GRIN2B: variants seen among roughly 807,000 people sequenced by gnomAD.
GRIN2B encodes glutamate ionotropic receptor NMDA type subunit 2B, also known as glutamate receptor ionotropic, NMDA 2B.
In GRIN2B, 5 loss-of-function variants were observed where a neutral mutation model predicts 114.5. The observed-to-expected ratio is 0.04, with a 90% CI of 0.02 to 0.09. The LOEUF (loss-of-function observed/expected upper bound fraction) is 0.09, where lower values mean the gene tolerates loss of function less well. Ranked by LOEUF, GRIN2B falls within the 10% of genes least tolerant of loss-of-function variation. The pLI, the probability that GRIN2B is intolerant of heterozygous loss-of-function variation, is 1.00. For missense variants in GRIN2B, 1,108 were observed against 1,943.5 expected (o/e 0.57, Z 8.08); for synonymous variants, 787 against 745.1 (o/e 1.06, Z -0.92).
intron 4 of GRIN2B, among the ~76,000 whole-genome samples, chr12:13,736,975 A>G (rs1420496583): frequency 6.7e-6 from 1 of 148,680 alleles, no homozygotes; most frequent in Non-Finnish European, 1.5e-5. Context: ...GGTTACAATG[A>G]GCAGAGATTG....
chr12:13,633,939 G>C lies in GRIN2B; in HGVS notation c.1126-17282C>G, dbSNP rs577678492. On this transcript the variant is annotated intron_variant, in intron 5 of 13. Transcript: ENST00000609686. ...ACAGGAGGAATGTGCCGGAATGATG[G>C]AAGAGCTGGGTCACAGCAGATAATC... 7.9e-5 allele frequency among the ~76,000 whole-genome samples: 12 copies of C among 152,126 alleles called. No homozygotes were observed. The East Asian group carries it at 2.3e-3, about 29-fold the overall frequency.
At chr12:13,751,270 C>T (rs1210512295) in intron 4 of GRIN2B, among the ~76,000 whole-genome samples, 1 of 152,110 alleles carries the variant, frequency 6.6e-6, no homozygotes, top group Admixed American at 6.5e-5. Flanking sequence ...GAGAATGGAC[C>T]TCATTAAAGG....
chr12:13,769,265 G>C lies in GRIN2B; in HGVS notation c.412-15350C>G, dbSNP rs553514059. Among the ~76,000 whole-genome samples the C allele has an allele frequency of 1.0e-3, 158 of 152,138 alleles. 1 individual carries two copies. Among genetic ancestry groups the C allele is most frequent in the Admixed American group, 3.3e-3 (50 of 15,286 alleles). ...CAGGGGACAGAGTGCCCTCAGTAATGCAAGGTCACTCACACAAGAACCCTC... is the reference window on the plus strand; with the variant it reads ...CAGGGGACAGAGTGCCCTCAGTAATCCAAGGTCACTCACACAAGAACCCTC... On this transcript the variant is annotated intron_variant, in intron 3 of 13. Coordinates refer to ENST00000609686, the MANE Select transcript of GRIN2B (RefSeq NM_000834.5).
chr12:13,757,089 C>T (rs1045835528), intron 3 of GRIN2B, among the ~76,000 whole-genome samples: 1 of 152,278 alleles, frequency 6.6e-6, no homozygotes, highest in Non-Finnish European at 1.5e-5. Flanking sequence ...TCCTCTGCTC[C>T]GATTGATGCC....
intron 2 of GRIN2B, among the ~76,000 whole-genome samples, chr12:13,969,479 G>C (rs1020038835): frequency 6.6e-6 from 1 of 152,164 alleles, no homozygotes; most frequent in Non-Finnish European, 1.5e-5. Flanking sequence ...CTTGTGGTGA[G>C]GATTGAGTAA....
At chr12:13,569,583 T>C (rs866451008) in intron 12 of GRIN2B, among the ~76,000 whole-genome samples, 90 of 152,240 alleles carry the variant, frequency 5.9e-4, no homozygotes, top group African/African-American at 1.9e-3. Flanking sequence ...CTGCTGGCAC[T>C]GTGATTTCAG....
chr12:13,736,972 A>G (rs1437196087), intron 4 of GRIN2B, among the ~76,000 whole-genome samples: 2 of 148,486 alleles, frequency 1.3e-5, no homozygotes, highest in Non-Finnish European at 3.0e-5. Context: ...AGAGGTTACA[A>G]TGAGCAGAGA....
At chr12:13,628,655 A>G (rs1321685842) in intron 5 of GRIN2B, among the ~76,000 whole-genome samples, 1 of 152,254 alleles carries the variant, frequency 6.6e-6, no homozygotes, top group African/African-American at 2.4e-5. Flanking sequence ...CTAGAGCAGG[A>G]CATCATCAGA....
At chr12:13,654,818 G>C (rs181618684) in intron 5 of GRIN2B, among the ~76,000 whole-genome samples, 1 of 152,182 alleles carries the variant, frequency 6.6e-6, no homozygotes, top group East Asian at 1.9e-4. Flanking sequence ...GGAAAAGCTA[G>C]ATTTGCCTCC....
intron 2 of GRIN2B, among the ~76,000 whole-genome samples, chr12:13,913,444 G>A (rs1243271390): frequency 5.9e-5 from 9 of 152,170 alleles, no homozygotes; most frequent in Non-Finnish European, 2.9e-5. Context: ...TAAAACTGGT[G>A]CTGGAGGCAG....
intron 2 of GRIN2B, among the ~76,000 whole-genome samples, chr12:13,945,580 A>G (rs1867349221): frequency 6.6e-6 from 1 of 152,304 alleles, no homozygotes; most frequent in African/African-American, 2.4e-5. Context: ...TTTCCTCTCC[A>G]GAGCTAGCCT....
At chr12:13,700,900 G>A (rs1950305709) in intron 4 of GRIN2B, among the ~76,000 whole-genome samples, 2 of 152,192 alleles carry the variant, frequency 1.3e-5, no homozygotes, top group Non-Finnish European at 2.9e-5. Flanking sequence ...AGTTTGGTGA[G>A]GTGTATTAAT....
chr12:13,640,658 C>A (rs1342739400), intron 5 of GRIN2B, among the ~76,000 whole-genome samples: 7 of 152,136 alleles, frequency 4.6e-5, no homozygotes, highest in African/African-American at 1.7e-4. Flanking sequence ...ACAGTGATGG[C>A]TGATTCTAAA....
At position 13,573,460 on chromosome 12, in the gene GRIN2B, G is replaced by A. The variant is rs145343078; in HGVS notation, c.2011-1496C>T. The stretch of plus-strand genomic sequence containing the variant: ...AGAGAGACTCCGTCTCAAAAATAAA[G>A]TGCTTGGCACAGCACCTGGCACACA... On this transcript the variant is annotated intron_variant, in intron 10 of 13. Transcript: ENST00000609686. 1.6e-3 allele frequency among the ~76,000 whole-genome samples: 235 copies of A among 149,238 alleles called. 16 individuals are homozygous for A. The highest frequency in any genetic ancestry group is 5.7e-3 in the African/African-American group (228 of 40,048).
intron 2 of GRIN2B, among the ~76,000 whole-genome samples, chr12:13,884,659 ATCCTTATCTTCT>A (rs1441994129): frequency 6.6e-6 from 1 of 152,070 alleles, no homozygotes; most frequent in African/African-American, 2.4e-5. Context: ...AACAGAGAAC[ATCCTTATCTTCT>A]TCCTTATCTT....
At chr12:13,667,193 G>A (rs1227116027) in intron 5 of GRIN2B, among the ~76,000 whole-genome samples, 5 of 152,072 alleles carry the variant, frequency 3.3e-5, no homozygotes, top group African/African-American at 1.2e-4. Context: ...GGAACACATG[G>A]ACAACCCCAT....
chr12:13,583,556 A>G (rs1948879936), intron 10 of GRIN2B, among the ~76,000 whole-genome samples: 1 of 152,218 alleles, frequency 6.6e-6, no homozygotes, highest in African/African-American at 2.4e-5. Context: ...CAGTGCCTGA[A>G]TTAGTATGCC....
intron 5 of GRIN2B, among the ~76,000 whole-genome samples, chr12:13,667,502 C>T (rs957369566): frequency 6.6e-6 from 1 of 152,142 alleles, no homozygotes; most frequent in East Asian, 1.9e-4. Context: ...CACAGTTAGA[C>T]CACCAACTCT....
In GRIN2B at chr12:13,543,569, G is replaced by A. The variant is rs1015617546; in HGVS notation, c.*19214C>T. Reference sequence around the variant, plus strand: ...CCTGTTTAAGCAGCTGAAGGTGACTGAAGAAAACAAATTTCTTTAAACTCA... The same window carrying A: ...CCTGTTTAAGCAGCTGAAGGTGACTAAAGAAAACAAATTTCTTTAAACTCA... On this transcript the variant is annotated 3_prime_UTR_variant, in exon 14 of 14. Transcript: ENST00000609686. The A allele has an allele frequency of 6.6e-6, 1 of 152,178 alleles. No individual in the cohort carries two copies. The highest frequency in any genetic ancestry group is 1.9e-4 in the East Asian group (1 of 5,194). The allele number at this position is 152,178 out of a possible 1,614,324, so 9.4% of individuals were successfully genotyped here. A position where few individuals can be genotyped will look rare whatever the true frequency, so the allele number is the denominator to read the frequency against.
Sources: gnomAD v4.1 joint callset for allele counts (sites outside exome capture counted in the v4.1 genomes callset) on GRCh38, gnomAD v4.1.1 for gene constraint, MANE v1.5 for transcripts, NCBI Gene and HGNC (gene_info 2026-07-23, HGNC 2026-07-21) for gene names.